Variants in DPP10 observed in about 807,000 individuals in gnomAD.
DPP10 encodes the protein inactive dipeptidyl peptidase 10.
A neutral mutation model predicts 120.9 loss-of-function variants in DPP10; 33 were observed. That is an observed-to-expected ratio of 0.27 (90% CI 0.21 to 0.37). The LOEUF (loss-of-function observed/expected upper bound fraction) is 0.37. Ranked by LOEUF, DPP10 falls within the 10% of genes least tolerant of loss-of-function variation. DPP10 has a pLI of 1.00. For missense variants in DPP10, 816 were observed against 942.8 expected (o/e 0.87, Z 1.76); for synonymous variants, 337 against 326.1 (o/e 1.03, Z -0.36).
intron 10 of DPP10, among the ~76,000 whole-genome samples, chr2:115,748,245 A>G (rs1322774767): frequency 4.0e-5 from 6 of 148,904 alleles, no homozygotes; most frequent in Admixed American, 4.0e-4. Context: ...TTTTTTTAGT[A>G]TGTTACTTAA....
intron 3 of DPP10, among the ~76,000 whole-genome samples, chr2:115,478,430 G>A (rs2105244088): frequency 1.3e-5 from 2 of 152,240 alleles, no homozygotes; most frequent in Non-Finnish European, 2.9e-5. Flanking sequence ...TCACTTAAGT[G>A]TTAAACCTAA....
At chr2:114,533,307 C>T (rs1348197812) in intron 1 of DPP10, among the ~76,000 whole-genome samples, 1 of 152,096 alleles carries the variant, frequency 6.6e-6, no homozygotes, top group Non-Finnish European at 1.5e-5. Context: ...GACCTGCTTC[C>T]TATGTCTTGT....
At chr2:115,542,223 C>T (rs1176393221) in intron 5 of DPP10, among the ~76,000 whole-genome samples, 2 of 151,902 alleles carry the variant, frequency 1.3e-5, no homozygotes, top group East Asian at 3.9e-4. Context: ...TCTTTTGCTT[C>T]CCCTTTATAC....
chr2:115,521,733 T>C (rs1256673255), intron 4 of DPP10, among the ~76,000 whole-genome samples: 2 of 152,156 alleles, frequency 1.3e-5, no homozygotes, highest in Non-Finnish European at 2.9e-5. Flanking sequence ...CCATCTCTCA[T>C]GAACTCGAGA....
intron 3 of DPP10, among the ~76,000 whole-genome samples, chr2:115,399,006 T>C (rs1305772795): frequency 6.6e-6 from 1 of 152,176 alleles, no homozygotes; most frequent in Non-Finnish European, 1.5e-5. Flanking sequence ...TCCATCCCTT[T>C]AGCACTTAAT....
In DPP10 at chr2:115,777,812, C is replaced by G; in HGVS notation, c.1339C>G (p.Pro447Ala). 2 of 1,613,246 alleles carry G rather than the reference C, an allele frequency of 1.2e-6. No homozygotes were observed. Among genetic ancestry groups the G allele is most frequent in the Non-Finnish European group, 1.7e-6 (2 of 1,179,430 alleles). ...KIYFLSTESS[P>A]RGRQLYSAST... ...TTACTTTCTGAGCACTGAATCTTCT[C>G]CCAGAGGAAGGCAGCTGTACAGGTA... The change falls in exon 15 of 26, where the codon CCC becomes GCC. Residue 447 changes from proline (P) to alanine (A), a missense_variant. Around this residue, in one of 3 missense-constraint regions of DPP10, gnomAD observed 592 missense variants for 649.0 expected, o/e 0.91. Coordinates refer to ENST00000410059, the MANE Select transcript of DPP10 (RefSeq NM_020868.6).
intron 3 of DPP10, among the ~76,000 whole-genome samples, chr2:115,393,821 G>C (rs2067484741): frequency 1.3e-5 from 2 of 152,228 alleles, no homozygotes; most frequent in Non-Finnish European, 1.5e-5. Flanking sequence ...TACCAAGCAT[G>C]AATTGGAGTT....
At chr2:115,660,815 T>C (rs986356711) in intron 5 of DPP10, among the ~76,000 whole-genome samples, 6 of 152,046 alleles carry the variant, frequency 3.9e-5, no homozygotes, top group Non-Finnish European at 7.4e-5. Flanking sequence ...ATACTTTTTG[T>C]GCCACATTTA....
At chr2:114,729,678 G>C (rs964955521) in intron 1 of DPP10, among the ~76,000 whole-genome samples, 9 of 152,228 alleles carry the variant, frequency 5.9e-5, no homozygotes, top group African/African-American at 1.7e-4. Context: ...AAACTTTCCA[G>C]CTGATTCCAG....
intron 1 of DPP10, among the ~76,000 whole-genome samples, chr2:114,850,994 G>T (rs1289206497): frequency 6.6e-6 from 1 of 152,058 alleles, no homozygotes; most frequent in Non-Finnish European, 1.5e-5. Flanking sequence ...ATAATAGTTA[G>T]AACAAGAAAT....
chr2:115,314,884 A>G (rs927486026), intron 2 of DPP10, among the ~76,000 whole-genome samples: 1 of 152,156 alleles, frequency 6.6e-6, no homozygotes. Flanking sequence ...ACCAAAAACT[A>G]GAAGACAGCA....
chr2:115,018,093 A>G (rs1558998049), intron 1 of DPP10, among the ~76,000 whole-genome samples: 1 of 152,226 alleles, frequency 6.6e-6, no homozygotes, highest in Non-Finnish European at 1.5e-5. Flanking sequence ...TATGCGGCCA[A>G]CAAACATGAA....
At chr2:115,841,455 A>G (rs758788467) in intron 25 of DPP10, among the ~76,000 whole-genome samples, 8 of 152,184 alleles carry the variant, frequency 5.3e-5, no homozygotes, top group Non-Finnish European at 1.0e-4. Context: ...AGAGTCATAG[A>G]AGGAAAAAGT....
In DPP10 at chr2:115,644,094, C is replaced by T. The variant is rs114386760; in HGVS notation, c.442-45593C>T. Among the ~76,000 whole-genome samples, 1,284 of 152,030 alleles carry T rather than the reference C, an allele frequency of 8.4e-3. 14 individuals carry two copies. The highest frequency in any genetic ancestry group is 0.03 in the African/African-American group (1,225 of 41,494). On this transcript the variant is annotated intron_variant, in intron 5 of 25. Coordinates refer to ENST00000410059, the MANE Select transcript of DPP10 (RefSeq NM_020868.6). ...CATACTGCACATCAACTGTGGTTCC[C>T]CATTTGTAAATTAAAAAAACTTAAC...
intron 1 of DPP10, among the ~76,000 whole-genome samples, chr2:114,687,594 C>T (rs1027262547): frequency 7.9e-5 from 12 of 151,986 alleles, no homozygotes; most frequent in Non-Finnish European, 1.3e-4. Flanking sequence ...TATTTTAAAG[C>T]TTTCAACCAC....
At chr2:115,289,942 G>A (rs565544685) in intron 1 of DPP10, among the ~76,000 whole-genome samples, 8 of 152,094 alleles carry the variant, frequency 5.3e-5, no homozygotes, top group African/African-American at 1.7e-4. Flanking sequence ...CCTAGGCAAA[G>A]AATTTATGCC....
At chr2:115,452,841 C>A (rs1327815650) in intron 3 of DPP10, among the ~76,000 whole-genome samples, 1 of 151,690 alleles carries the variant, frequency 6.6e-6, no homozygotes, top group Admixed American at 6.6e-5. Flanking sequence ...CAGACATATT[C>A]GTTTAGTAGG....
chr2:115,460,280 T>C (rs1408097824), intron 3 of DPP10, among the ~76,000 whole-genome samples: 1 of 152,086 alleles, frequency 6.6e-6, no homozygotes, highest in African/African-American at 2.4e-5. Flanking sequence ...GACCTGCAAA[T>C]ATAAAACCTT....
intron 1 of DPP10, among the ~76,000 whole-genome samples, chr2:114,502,885 A>G (rs1471731244): frequency 6.6e-6 from 1 of 152,252 alleles, no homozygotes; most frequent in Non-Finnish European, 1.5e-5. Context: ...TGTGAATTCT[A>G]CTTAAAAGAG....
Sources: gnomAD v4.1 joint callset for allele counts (sites outside exome capture counted in the v4.1 genomes callset) on GRCh38, gnomAD v4.1.1 for gene constraint, gnomAD v4.1.1 regional missense constraint, MANE v1.5 for transcripts, NCBI Gene and HGNC (gene_info 2026-07-23, HGNC 2026-07-21) for gene names.